ERGIC1: variants seen among roughly 807,000 people sequenced by gnomAD.
The protein encoded by ERGIC1 is endoplasmic reticulum-golgi intermediate compartment 1.
A neutral mutation model predicts 38.3 loss-of-function variants in ERGIC1; 19 were observed. That is an observed-to-expected ratio of 0.50 (90% CI 0.35 to 0.73). The LOEUF is 0.73. Ranked by LOEUF, ERGIC1 falls within the 30% of genes least tolerant of loss-of-function variation. The pLI is 0.01. For synonymous variants in ERGIC1, 124 were observed against 157.6 expected (o/e 0.79, Z 1.60); for missense variants, 294 against 389.2 (o/e 0.76, Z 2.06).
chr5:172,929,382 G>A (rs1444033199), intron 7 of ERGIC1, among the ~76,000 whole-genome samples: 2 of 152,092 alleles, frequency 1.3e-5, no homozygotes, highest in Non-Finnish European at 2.9e-5. Flanking sequence ...TGCGGGTAGG[G>A]GAGGAGGAGT....
Position 172,932,562 on chromosome 5 carries a change from CTG to C in ERGIC1, c.642+31_642+32del. 1.9e-6 allele frequency: 3 copies of C among 1,608,098 alleles called. 1 individual carries two copies. In the South Asian group the frequency reaches 3.3e-5, roughly 18 times the overall value. On this transcript the variant is annotated intron_variant, in intron 8 of 9. Coordinates refer to ENST00000393784, the MANE Select transcript of ERGIC1 (RefSeq NM_001031711.3). The stretch of plus-strand genomic sequence containing the variant: ...GTGCGCGGGCGGTGGCTGGGCCGAG[CTG>C]TGTGCGGCGGCGCCCTCTGCTGACG...
intron 1 of ERGIC1, chr5:172,867,096 T>G (rs1448298203): frequency 4.5e-6 from 2 of 442,774 alleles, no homozygotes; most frequent in Non-Finnish European, 9.2e-6. Flanking sequence ...TTTGCAGACC[T>G]TGGCTTGGCT....
At chr5:172,924,981 T>C (rs1304180758) in intron 6 of ERGIC1, among the ~76,000 whole-genome samples, 1 of 152,168 alleles carries the variant, frequency 6.6e-6, no homozygotes, top group East Asian at 1.9e-4. Context: ...CTCACTCCTG[T>C]AATCCCAGCA....
intron 1 of ERGIC1, among the ~76,000 whole-genome samples, chr5:172,848,861 G>A (rs941182271): frequency 1.3e-5 from 2 of 152,164 alleles, no homozygotes; most frequent in Non-Finnish European, 2.9e-5. Context: ...GCATCTGAAA[G>A]AATTTATTTT....
intron 7 of ERGIC1, among the ~76,000 whole-genome samples, chr5:172,931,719 A>G (rs565531997): frequency 1.3e-5 from 2 of 152,334 alleles, no homozygotes; most frequent in Admixed American, 1.3e-4. Context: ...TTCCTTGGGC[A>G]TCTTTCCAGA....
rs116441927 is a variant in ERGIC1 at position 172,854,462 on chromosome 5, G to A, written c.20+20029G>A. On this transcript the variant is annotated intron_variant, in intron 1 of 9. Transcript: ENST00000393784. ...TTGATGAGAAAAAAAAGTATTTCCT[G>A]GCTGGGGCCACTGTCTGTTGGGTTT... 2.3e-3 allele frequency among the ~76,000 whole-genome samples: 356 copies of A among 152,368 alleles called. 1 individual carries two copies. The highest frequency in any genetic ancestry group is 8.2e-3 in the African/African-American group (339 of 41,590).
chr5:172,927,644 GT>G (rs1170854883), intron 7 of ERGIC1, among the ~76,000 whole-genome samples: 1 of 148,154 alleles, frequency 6.7e-6, no homozygotes, highest in East Asian at 2.0e-4. Flanking sequence ...CAGTGGCACA[GT>G]CTCGGCTCAC....
rs540590358 is a variant in ERGIC1, at chr5:172,919,197, G to A, written c.375+4359G>A. Among the ~76,000 whole-genome samples the A allele has an allele frequency of 5.6e-4, 86 of 152,290 alleles. 1 individual carries two copies. The South Asian group carries it at 7.1e-3, about 12-fold the overall frequency. On this transcript the variant is annotated intron_variant, in intron 5 of 9. Transcript: ENST00000393784. ...ATAAAGCAGCCGTGAAGAGAATGAC[G>A]GGGTGCTGTGGTGGAGAATGAAGGA...
chr5:172,858,655 C>T (rs920603973), intron 1 of ERGIC1, among the ~76,000 whole-genome samples: 1 of 152,208 alleles, frequency 6.6e-6, no homozygotes, highest in Middle Eastern at 3.2e-3. Flanking sequence ...TCTGAGGACA[C>T]GAGGAAAAGG....
In ERGIC1 at chr5:172,888,711, C is replaced by T. The variant is rs747700081; in HGVS notation, c.33C>T (p.Tyr11=). The change falls in exon 2 of 10, where the codon TAC becomes TAT. Residue 11 remains tyrosine, a synonymous_variant. Coordinates refer to ENST00000393784, the MANE Select transcript of ERGIC1 (RefSeq NM_001031711.3). Reference sequence around the variant, plus strand: ...TTGCTCTCCACAGGTTTGACATCTACAGGAAGGTGCCCAAGGACCTTACGC... The same window carrying T: ...TTGCTCTCCACAGGTTTGACATCTATAGGAAGGTGCCCAAGGACCTTACGC... The part of the protein sequence containing the change: MPFDFRRFDI[Y]RKVPKDLTQP... The T allele has an allele frequency of 1.9e-6, 3 of 1,614,128 alleles. No homozygotes were observed. Among genetic ancestry groups the T allele is most frequent in the Non-Finnish European group, 2.5e-6 (3 of 1,179,986 alleles).
intron 1 of ERGIC1, among the ~76,000 whole-genome samples, chr5:172,852,538 C>T (rs1025103008): frequency 6.6e-6 from 1 of 152,184 alleles, no homozygotes; most frequent in East Asian, 1.9e-4. Flanking sequence ...CCTCATAGGC[C>T]GTCAGTGACA....
intron 8 of ERGIC1, 131 bp from the exon 9 acceptor site, chr5:172,935,057 G>A: frequency 2.3e-6 from 3 of 1,309,918 alleles, no homozygotes; most frequent in Non-Finnish European, 3.2e-6. Flanking sequence ...GGGAGTGGGG[G>A]AGTCTGGCTT....
intron 9 of ERGIC1, among the ~76,000 whole-genome samples, chr5:172,947,183 CA>C (rs11308202): frequency 0.9 from 110,237 of 122,326 alleles, 49,470 homozygotes; most frequent in Admixed American, 0.92. Flanking sequence ...GACTCAATCT[CA>C]AAAAAAAAAA....
chr5:172,852,620 A>T (rs536894414), intron 1 of ERGIC1, among the ~76,000 whole-genome samples: 11 of 152,254 alleles, frequency 7.2e-5, no homozygotes, highest in East Asian at 1.9e-4. Flanking sequence ...AGCCCTTTTT[A>T]AAAAAAGTGT....
chr5:172,910,581 A>G (rs186440954), intron 4 of ERGIC1, among the ~76,000 whole-genome samples: 364 of 148,576 alleles, frequency 2.4e-3, no homozygotes, highest in Non-Finnish European at 3.9e-3. Context: ...CCGGAGTGCA[A>G]TGGCACGATC....
chr5:172,862,307 CAA>C (rs58968820), intron 1 of ERGIC1, among the ~76,000 whole-genome samples: 15 of 49,488 alleles, frequency 3.0e-4, no homozygotes, highest in East Asian at 8.2e-4. Flanking sequence ...GACTACATCT[CAA>C]AAAAAAAAAA....
intron 1 of ERGIC1, among the ~76,000 whole-genome samples, chr5:172,861,554 T>C (rs1184183686): frequency 6.6e-6 from 1 of 152,220 alleles, no homozygotes; most frequent in Admixed American, 6.5e-5. Context: ...AGTTGCCTTA[T>C]TTGTAAAATG....
intron 5 of ERGIC1, chr5:172,920,648 G>T: frequency 3.5e-6 from 2 of 569,526 alleles, no homozygotes; most frequent in South Asian, 4.0e-5. Context: ...GTGTGGAGGG[G>T]GAGTGGGTTC....
Position 172,921,202 on chromosome 5 carries a change from G to A in ERGIC1, c.376-2803G>A, listed in dbSNP as rs536942757. 2.0e-4 allele frequency among the ~76,000 whole-genome samples: 30 copies of A among 152,332 alleles called. No individual in the cohort carries two copies. The East Asian group carries it at 5.6e-3, about 28-fold the overall frequency. On this transcript the variant is annotated intron_variant, in intron 5 of 9. Transcript: ENST00000393784. Reference sequence around the variant, plus strand: ...GAGGCATGGAGTGGTTACTGACCTCGCCTAAGGCTCCCCAGCTAGGAAGTG... The same window carrying A: ...GAGGCATGGAGTGGTTACTGACCTCACCTAAGGCTCCCCAGCTAGGAAGTG...
Sources: allele counts gnomAD v4.1 joint callset (sites outside exome capture counted in the v4.1 genomes callset), GRCh38; gene constraint gnomAD v4.1.1; transcripts MANE v1.5; gene names NCBI Gene and HGNC (gene_info 2026-07-23, HGNC 2026-07-21).